Variants in PTPRN2 observed in about 807,000 individuals in gnomAD.
The protein encoded by PTPRN2 is receptor-type tyrosine-protein phosphatase N2.
PTPRN2 carries 74 observed loss-of-function variants against 118.8 expected under a neutral mutation model. The observed-to-expected ratio is 0.62, with a 90% CI of 0.52 to 0.76. The LOEUF is 0.76. Among genes scored for constraint, PTPRN2 ranks in the 30% least tolerant of loss-of-function variants. The probability of loss-of-function intolerance (pLI) is 0.00; values close to 1 mark genes in which losing one functional copy is unlikely to be tolerated. For synonymous variants in PTPRN2, 641 were observed against 608.0 expected (o/e 1.05, Z -0.80); for missense variants, 1,481 against 1,394.4 (o/e 1.06, Z -0.99).
intron 12 of PTPRN2, among the ~76,000 whole-genome samples, chr7:157,730,009 C>T (rs772477131): frequency 1.3e-5 from 2 of 152,150 alleles, no homozygotes; most frequent in East Asian, 1.9e-4. Context: ...CCATTGTGCT[C>T]GAGGGTCACT....
At chr7:158,139,468 C>A (rs573937286) in intron 6 of PTPRN2, among the ~76,000 whole-genome samples, 2 of 152,048 alleles carry the variant, frequency 1.3e-5, no homozygotes, top group Middle Eastern at 3.4e-3. Flanking sequence ...CTGGGGCATC[C>A]AAGCCGTCGG....
chr7:158,500,884 C>G (rs1278970135), intron 1 of PTPRN2, among the ~76,000 whole-genome samples: 2 of 152,252 alleles, frequency 1.3e-5, no homozygotes, highest in Admixed American at 1.3e-4. Context: ...CATATCTAAC[C>G]AGTTCCCAGG....
chr7:157,937,219 G>A (rs1799765563), intron 11 of PTPRN2, among the ~76,000 whole-genome samples: 2 of 152,178 alleles, frequency 1.3e-5, no homozygotes, highest in Non-Finnish European at 2.9e-5. Context: ...GAGTGACCAC[G>A]TGAACTTGCA....
intron 3 of PTPRN2, among the ~76,000 whole-genome samples, chr7:158,243,338 C>T (rs950333404): frequency 1.3e-5 from 2 of 152,246 alleles, no homozygotes; most frequent in Non-Finnish European, 2.9e-5. Context: ...CTGCTTCACA[C>T]TGGCACTTCT....
chr7:158,318,703 C>G (rs573699747), intron 2 of PTPRN2, among the ~76,000 whole-genome samples: 7 of 152,352 alleles, frequency 4.6e-5, no homozygotes, highest in Middle Eastern at 3.4e-3. Flanking sequence ...GTGACGGTGC[C>G]GGCTGCCTGC....
At chr7:158,058,011 T>A (rs1171043259) in intron 11 of PTPRN2, among the ~76,000 whole-genome samples, 1 of 152,266 alleles carries the variant, frequency 6.6e-6, no homozygotes, top group Non-Finnish European at 1.5e-5. Flanking sequence ...GCTTTACAAA[T>A]AATTATCTAG....
intron 2 of PTPRN2, among the ~76,000 whole-genome samples, chr7:158,341,524 C>G (rs1370242865): frequency 8.0e-6 from 1 of 125,598 alleles, no homozygotes; most frequent in Non-Finnish European, 1.8e-5. Flanking sequence ...CACACCCACA[C>G]TCTCACCATA....
At chr7:158,567,705 C>T (rs1376371944) in intron 1 of PTPRN2, among the ~76,000 whole-genome samples, 3 of 152,184 alleles carry the variant, frequency 2.0e-5, no homozygotes, top group Non-Finnish European at 4.4e-5. Context: ...GTAGAGACAG[C>T]ATGGTCAGGG....
At chr7:158,249,640 TG>T (rs1265105272) in intron 3 of PTPRN2, among the ~76,000 whole-genome samples, 1 of 152,184 alleles carries the variant, frequency 6.6e-6, no homozygotes, top group Admixed American at 6.5e-5. Flanking sequence ...GTCTCCCAGT[TG>T]TGACGTCTAT....
chr7:158,358,605 G>A (rs755884838), intron 2 of PTPRN2, among the ~76,000 whole-genome samples: 21 of 152,212 alleles, frequency 1.4e-4, no homozygotes, highest in East Asian at 3.8e-4. Flanking sequence ...CTATTTACAC[G>A]ACAGAATGGG....
intron 3 of PTPRN2, among the ~76,000 whole-genome samples, chr7:158,233,786 G>C (rs962123811): frequency 6.6e-6 from 1 of 152,014 alleles, no homozygotes; most frequent in African/African-American, 2.4e-5. Flanking sequence ...CAGACCAATG[G>C]AACAGAATAG....
chr7:158,407,669 C>CGTCCTGG (rs1246913977), intron 2 of PTPRN2, among the ~76,000 whole-genome samples: 1 of 98,352 alleles, frequency 1.0e-5, no homozygotes, highest in Non-Finnish European at 2.1e-5. Context: ...CTGCGTCCTG[C>CGTCCTGG]GTCCTGGGTC....
chr7:158,147,481 C>A (rs879035967), intron 6 of PTPRN2, among the ~76,000 whole-genome samples: 1 of 103,952 alleles, frequency 9.6e-6, no homozygotes, highest in Admixed American at 8.6e-5. Flanking sequence ...TGTCTTTCCC[C>A]CTCACTGACA....
At chr7:158,171,294 CATATATATACACACATATATATAT>C (rs1334890017) in intron 5 of PTPRN2, among the ~76,000 whole-genome samples, 10 of 62,162 alleles carry the variant, frequency 1.6e-4, no homozygotes, top group Non-Finnish European at 2.8e-4. Flanking sequence ...TATATACACA[CATATATATACACACATATATATAT>C]ATATATATAT....
chr7:158,376,268 C>A (rs1810493855), intron 2 of PTPRN2, among the ~76,000 whole-genome samples: 1 of 151,924 alleles, frequency 6.6e-6, no homozygotes, highest in Admixed American at 6.5e-5. Flanking sequence ...TCAGGGGACT[C>A]CCCCACAGCC....
chr7:157,550,567 G>A lies in PTPRN2; in HGVS notation c.2903-1548C>T, dbSNP rs1798546435. Among the ~76,000 whole-genome samples the A allele has an allele frequency of 6.6e-6, 1 of 152,330 alleles. No homozygotes were observed. The highest frequency in any genetic ancestry group is 6.5e-5 in the Admixed American group (1 of 15,304). ...CTCCCCACCTTTGAGCACAGAAGAT[G>A]GAGACACTGGCATTTCCTGGCAGGA... On this transcript the variant is annotated intron_variant, in intron 21 of 22. Transcript: ENST00000389418. This position sits in a 1 kb window ranked among gnomAD's most constrained non-coding sequence, Gnocchi z 5.2.
intron 11 of PTPRN2, among the ~76,000 whole-genome samples, chr7:157,994,640 G>GCA (rs1804553657): frequency 7.0e-6 from 1 of 142,078 alleles, no homozygotes; most frequent in Admixed American, 7.0e-5. Flanking sequence ...AATCAACGCC[G>GCA]TGTCCCCAGC....
intron 17 of PTPRN2, among the ~76,000 whole-genome samples, chr7:157,593,884 A>G (rs1323571909): frequency 6.6e-6 from 1 of 152,220 alleles, no homozygotes; most frequent in Non-Finnish European, 1.5e-5. Context: ...TCGCCGTGCC[A>G]TGCCGGGATT....
intron 12 of PTPRN2, among the ~76,000 whole-genome samples, chr7:157,786,137 C>A (rs1274740091): frequency 6.6e-6 from 1 of 152,202 alleles, no homozygotes. Context: ...GGATCCCAGG[C>A]CCTCGGGCCA....
Sources: gnomAD v4.1 joint callset for allele counts (sites outside exome capture counted in the v4.1 genomes callset) on GRCh38, gnomAD v4.1.1 for gene constraint, Gnocchi (gnomAD v3.1) non-coding constraint, MANE v1.5 for transcripts, NCBI Gene and HGNC (gene_info 2026-07-23, HGNC 2026-07-21) for gene names.